Variants in DOK6 observed in about 807,000 individuals in gnomAD.
DOK6 encodes docking protein 6.
In DOK6, 22 loss-of-function variants were observed where a neutral mutation model predicts 44.0. The observed-to-expected ratio is 0.50, with a 90% confidence interval of 0.36 to 0.71. DOK6 has a LOEUF of 0.71. DOK6 is among the 30% of genes least tolerant of loss of function. The probability of loss-of-function intolerance (pLI) is 0.00; values close to 1 mark genes in which losing one functional copy is unlikely to be tolerated. For synonymous variants in DOK6, 166 were observed against 145.5 expected (o/e 1.14, Z -1.01); for missense variants, 340 against 416.4 (o/e 0.82, Z 1.60).
chr18:69,461,466 A>G (rs1490047163), intron 1 of DOK6, among the ~76,000 whole-genome samples: 1 of 152,066 alleles, frequency 6.6e-6, no homozygotes, highest in Non-Finnish European at 1.5e-5. Context: ...GCCTCTATTA[A>G]ATAAATTCCC....
At chr18:69,652,909 G>A (rs967835126) in intron 3 of DOK6, among the ~76,000 whole-genome samples, 4 of 152,082 alleles carry the variant, frequency 2.6e-5, no homozygotes, top group Non-Finnish European at 5.9e-5. Flanking sequence ...AAGGACAAAC[G>A]ATTATCTGAC....
intron 4 of DOK6, among the ~76,000 whole-genome samples, chr18:69,694,449 C>T (rs968183084): frequency 1.3e-5 from 2 of 149,068 alleles, no homozygotes; most frequent in African/African-American, 4.9e-5. Context: ...TAAAATTATA[C>T]ACTTTATTAT....
At chr18:69,401,884 G>A (rs560148900) in intron 1 of DOK6, among the ~76,000 whole-genome samples, 18 of 152,282 alleles carry the variant, frequency 1.2e-4, no homozygotes, top group African/African-American at 4.1e-4. Flanking sequence ...GCGCCCGCGT[G>A]CAGGCAGGTG....
chr18:69,466,499 T>C (rs899756588), intron 1 of DOK6, among the ~76,000 whole-genome samples: 3 of 152,178 alleles, frequency 2.0e-5, no homozygotes, highest in African/African-American at 7.2e-5. Flanking sequence ...ATCCCCGAGA[T>C]AGTGTTTTTA....
At chr18:69,801,919 A>ATTTCTGTTAGCTAT (rs1474151968) in intron 7 of DOK6, among the ~76,000 whole-genome samples, 3 of 152,190 alleles carry the variant, frequency 2.0e-5, no homozygotes, top group Non-Finnish European at 2.9e-5. Flanking sequence ...GCTATTGTCA[A>ATTTCTGTTAGCTAT]TACATATTAT....
chr18:69,803,593 G>T (rs1316389263), intron 7 of DOK6, among the ~76,000 whole-genome samples: 2 of 152,154 alleles, frequency 1.3e-5, no homozygotes, highest in Non-Finnish European at 2.9e-5. Context: ...CTATGACCAG[G>T]TGGCTCACGC....
intron 7 of DOK6, among the ~76,000 whole-genome samples, chr18:69,784,716 G>GA (rs1018439193): frequency 6.6e-6 from 1 of 151,914 alleles, no homozygotes; most frequent in Non-Finnish European, 1.5e-5. Context: ...TCCATAGGGA[G>GA]AAAAAAATCT....
intron 1 of DOK6, among the ~76,000 whole-genome samples, chr18:69,541,430 C>T (rs954219005): frequency 6.6e-6 from 1 of 151,338 alleles, no homozygotes; most frequent in East Asian, 1.9e-4. Context: ...AGACTGAGTG[C>T]ATTATTATAT....
intron 7 of DOK6, among the ~76,000 whole-genome samples, chr18:69,762,546 A>T (rs771709129): frequency 1.3e-5 from 2 of 152,204 alleles, no homozygotes; most frequent in Non-Finnish European, 2.9e-5. Flanking sequence ...GAATACAAAT[A>T]TATCTTTAGA....
chr18:69,774,370 G>C (rs912402304), intron 7 of DOK6, among the ~76,000 whole-genome samples: 5 of 151,430 alleles, frequency 3.3e-5, no homozygotes, highest in African/African-American at 1.2e-4. Flanking sequence ...GGGCGGGAAG[G>C]GGGTGAGGGA....
At chr18:69,403,239 G>A (rs955199784) in intron 1 of DOK6, among the ~76,000 whole-genome samples, 1 of 152,070 alleles carries the variant, frequency 6.6e-6, no homozygotes, top group African/African-American at 2.4e-5. Flanking sequence ...CTTGGCCCTG[G>A]AGTCTATAGG....
At chr18:69,814,317 GGC>G (rs1019754393) in intron 7 of DOK6, among the ~76,000 whole-genome samples, 61 of 152,288 alleles carry the variant, frequency 4.0e-4, no homozygotes, top group African/African-American at 1.4e-3. Flanking sequence ...GCACTTTTCA[GGC>G]TATGTTGGCC....
At chr18:69,493,600 G>A (rs1191866807) in intron 1 of DOK6, among the ~76,000 whole-genome samples, 2 of 152,052 alleles carry the variant, frequency 1.3e-5, no homozygotes, top group African/African-American at 2.4e-5. Context: ...TGAAATATGA[G>A]CAACACTCAA....
chr18:69,542,431 G>T (rs1474492035), intron 1 of DOK6, among the ~76,000 whole-genome samples: 3 of 151,354 alleles, frequency 2.0e-5, no homozygotes, highest in Admixed American at 6.6e-5. Context: ...AGTCAAGATT[G>T]TTGCTGCTAC....
rs749350031 is a variant in DOK6, at chr18:69,841,330, T to C, written c.943T>C (p.Leu315=). ...PEQSEEAQQP[L]SRSSSYGFSY... is the part of the protein sequence containing the mutation. ...ACAGAGTGAAGAGGCCCAGCAGCCG[T>C]TGTCGCGGTCCAGCAGCTATGGATT... is the stretch of plus-strand genomic sequence containing the variant. The change falls in exon 8 of 8, where the codon TTG becomes CTG. Residue 315 remains leucine (L), a synonymous_variant. Coordinates refer to ENST00000382713, the MANE Select transcript of DOK6 (RefSeq NM_152721.6). 1.2e-6 allele frequency: 2 copies of C among 1,614,052 alleles called. No homozygotes were observed. The highest frequency in any genetic ancestry group is 2.7e-5 in the African/African-American group (2 of 74,930).
At chr18:69,516,247 T>C (rs1981519196) in intron 1 of DOK6, among the ~76,000 whole-genome samples, 2 of 152,168 alleles carry the variant, frequency 1.3e-5, no homozygotes, top group Non-Finnish European at 2.9e-5. Context: ...AAGATCCTTT[T>C]TTAGAATTTA....
intron 2 of DOK6, among the ~76,000 whole-genome samples, chr18:69,599,113 T>C (rs1176343743): frequency 6.6e-6 from 1 of 152,214 alleles, no homozygotes; most frequent in Non-Finnish European, 1.5e-5. Flanking sequence ...TATATGCTTT[T>C]AATAAAAGCA....
intron 7 of DOK6, among the ~76,000 whole-genome samples, chr18:69,770,693 T>C (rs539190210): frequency 1.3e-5 from 2 of 152,258 alleles, no homozygotes; most frequent in East Asian, 1.9e-4. Flanking sequence ...GGGTTGCCAT[T>C]ACTTTTCATT....
chr18:69,721,678 C>T (rs949756466), intron 5 of DOK6, among the ~76,000 whole-genome samples: 3 of 151,934 alleles, frequency 2.0e-5, no homozygotes, highest in African/African-American at 4.8e-5. Context: ...AAGCTGTCTC[C>T]CTTGGAAGGA....
Sources: allele counts gnomAD v4.1 joint callset (sites outside exome capture counted in the v4.1 genomes callset), GRCh38; gene constraint gnomAD v4.1.1; transcripts MANE v1.5; gene names NCBI Gene and HGNC (gene_info 2026-07-23, HGNC 2026-07-21).